CSMD1: variants seen among roughly 807,000 people sequenced by gnomAD.
The protein encoded by CSMD1 is CUB and Sushi multiple domains 1, also known as CUB and sushi domain-containing protein 1.
A neutral mutation model predicts 417.5 loss-of-function variants in CSMD1; 213 were observed. That is an observed-to-expected ratio of 0.51 (90% CI 0.46 to 0.57). The LOEUF (loss-of-function observed/expected upper bound fraction) is 0.57. Ranked by LOEUF, CSMD1 falls within the 20% of genes least tolerant of loss-of-function variation. CSMD1 has a pLI of 0.00. For synonymous variants in CSMD1, 2,862 were observed against 1,736.8 expected (o/e 1.65, Z -16.11); for missense variants, 6,923 against 4,529.7 (o/e 1.53, Z -15.17).
chr8:3,251,721 G>T (rs1361169248), intron 26 of CSMD1, among the ~76,000 whole-genome samples: 1 of 152,084 alleles, frequency 6.6e-6, no homozygotes, highest in East Asian at 1.9e-4. Flanking sequence ...CCATTTGTTT[G>T]TCTCCTTTTT....
At chr8:3,353,488 A>T (rs117915260) in intron 21 of CSMD1, among the ~76,000 whole-genome samples, 389 of 152,326 alleles carry the variant, frequency 2.6e-3, no homozygotes, top group Non-Finnish European at 4.6e-3. Context: ...AAACAGATAC[A>T]ACATGATATT....
chr8:3,733,576 C>T (rs1435038251), intron 6 of CSMD1, among the ~76,000 whole-genome samples: 7 of 152,068 alleles, frequency 4.6e-5, no homozygotes, highest in Middle Eastern at 3.4e-3. Flanking sequence ...GGCCATTCTT[C>T]GAGTGTGATG....
At chr8:4,186,131 T>C (rs17069260) in intron 3 of CSMD1, among the ~76,000 whole-genome samples, 5 of 152,058 alleles carry the variant, frequency 3.3e-5, no homozygotes, top group African/African-American at 1.2e-4. Flanking sequence ...CACCAACGAT[T>C]TGGCATCCAG....
Position 4,442,086 on chromosome 8 carries a change from A to G in CSMD1, c.303-22021T>C, listed in dbSNP as rs1162864710. On this transcript the variant is annotated intron_variant, in intron 2 of 69. Transcript: ENST00000635120. ...CAAAACTGCTCAGAGTTTGAGTTGT[A>G]GAAACACGTGACGAAATGCTTATCT... 3.9e-5 allele frequency among the ~76,000 whole-genome samples: 6 copies of G among 152,264 alleles called. No homozygotes were observed. In the South Asian group the frequency reaches 1.0e-3, roughly 26 times the overall value.
chr8:3,369,513 C>A (rs545723664), intron 18 of CSMD1, 143 bp from the exon 19 acceptor site: 2 of 591,206 alleles, frequency 3.4e-6, no homozygotes, highest in East Asian at 5.7e-5. Context: ...AGAACCTGAG[C>A]TTTATGTTAC....
intron 5 of CSMD1, among the ~76,000 whole-genome samples, chr8:3,900,122 G>C (rs772782566): frequency 6.6e-6 from 1 of 151,904 alleles, no homozygotes; most frequent in African/African-American, 2.4e-5. Context: ...CTGTAGCTGG[G>C]TGACACTGCA....
intron 10 of CSMD1, among the ~76,000 whole-genome samples, chr8:3,494,881 A>T (rs373151517): frequency 2.0e-5 from 3 of 152,174 alleles, no homozygotes; most frequent in African/African-American, 7.2e-5. Flanking sequence ...GTTAAGCTTG[A>T]AAGAAAAGAG....
rs578043090 is a variant in CSMD1 at position 3,246,545 on chromosome 8, C to T, written c.4154-16314G>A. 2.6e-5 allele frequency among the ~76,000 whole-genome samples: 4 copies of T among 152,250 alleles called. No homozygotes were observed. The South Asian group carries it at 8.3e-4, about 32-fold the overall frequency. On this transcript the variant is annotated intron_variant, in intron 26 of 69. Transcript: ENST00000635120. ...GGTGTGCAGTGACTCAGTCTGGGCT[C>T]ACTGCAACCGCCACCTCCCGTGTTC...
At chr8:4,274,047 G>C (rs1024135766) in intron 3 of CSMD1, among the ~76,000 whole-genome samples, 3 of 152,106 alleles carry the variant, frequency 2.0e-5, no homozygotes, top group Admixed American at 1.3e-4. Context: ...ATGCAGAGTT[G>C]AAGTAAGAAA....
At chr8:4,713,374 TTTTTGTTTTGTTTTG>T (rs56295432) in intron 1 of CSMD1, among the ~76,000 whole-genome samples, 36 of 148,128 alleles carry the variant, frequency 2.4e-4, no homozygotes, top group East Asian at 8.2e-4. Flanking sequence ...CAGCTTTGTG[TTTTTGTTTTGTTTTG>T]TTTTGTTTTG....
rs561157276 is a variant in CSMD1, at chr8:4,740,336, G to C, written c.86-102778C>G. Among the ~76,000 whole-genome samples the C allele has an allele frequency of 5.5e-4, 83 of 152,166 alleles. 1 individual carries two copies. Among genetic ancestry groups the C allele is most frequent in the African/African-American group, 2.0e-3 (82 of 41,504 alleles). Reference sequence around the variant, plus strand: ...TACTAATGTTGTGATATAGCTAACAGAAAAAGCCATTTAAATCCAAGGATT... The same window carrying C: ...TACTAATGTTGTGATATAGCTAACACAAAAAGCCATTTAAATCCAAGGATT... On this transcript the variant is annotated intron_variant, in intron 1 of 69. Coordinates refer to ENST00000635120, the MANE Select transcript of CSMD1 (RefSeq NM_033225.6).
At chr8:3,299,136 C>G (rs989155682) in intron 25 of CSMD1, among the ~76,000 whole-genome samples, 1 of 152,010 alleles carries the variant, frequency 6.6e-6, no homozygotes, top group Non-Finnish European at 1.5e-5. Context: ...GACACAATTC[C>G]ACTAGGTAAA....
intron 62 of CSMD1, among the ~76,000 whole-genome samples, chr8:2,958,098 T>A (rs1248844543): frequency 6.6e-6 from 1 of 152,238 alleles, no homozygotes; most frequent in Non-Finnish European, 1.5e-5. Context: ...TTTTTGTTTG[T>A]AATAATTATT....
intron 1 of CSMD1, among the ~76,000 whole-genome samples, chr8:4,832,455 G>A (rs1451570658): frequency 6.6e-6 from 1 of 152,092 alleles, no homozygotes; most frequent in Non-Finnish European, 1.5e-5. Context: ...TGTGGCCAGG[G>A]AAAAAATTAC....
At chr8:4,374,631 A>G (rs527693780) in intron 3 of CSMD1, among the ~76,000 whole-genome samples, 53 of 152,234 alleles carry the variant, frequency 3.5e-4, no homozygotes, top group African/African-American at 1.3e-3. Context: ...AGGAGCATGA[A>G]GTTGTTTTTT....
chr8:4,714,347 G>T (rs1443562967), intron 1 of CSMD1, among the ~76,000 whole-genome samples: 2 of 152,080 alleles, frequency 1.3e-5, no homozygotes, highest in African/African-American at 2.4e-5. Flanking sequence ...TTTGGGGTCA[G>T]GGGGTCAAGA....
chr8:3,906,682 T>C (rs13271127), intron 5 of CSMD1, among the ~76,000 whole-genome samples: 13,446 of 151,758 alleles, frequency 0.089, 788 homozygotes, highest in Non-Finnish European at 0.13. Flanking sequence ...AGAAAATAAC[T>C]ATGTTTTATG....
intron 57 of CSMD1, among the ~76,000 whole-genome samples, chr8:2,968,432 C>A (rs1466622867): frequency 6.6e-6 from 1 of 152,100 alleles, no homozygotes; most frequent in Non-Finnish European, 1.5e-5. Flanking sequence ...GTCAAATAAC[C>A]GATGAAAAAT....
At chr8:4,920,371 G>A (rs554441752) in intron 1 of CSMD1, among the ~76,000 whole-genome samples, 35 of 152,168 alleles carry the variant, frequency 2.3e-4, no homozygotes, top group Admixed American at 3.9e-4. Flanking sequence ...GAGAGAAAAT[G>A]CATATGGAAA....
Sources: allele counts gnomAD v4.1 joint callset (sites outside exome capture counted in the v4.1 genomes callset), GRCh38; gene constraint gnomAD v4.1.1; transcripts MANE v1.5; gene names NCBI Gene and HGNC (gene_info 2026-07-23, HGNC 2026-07-21).